FBN2: variants seen among roughly 807,000 people sequenced by gnomAD.
The protein encoded by FBN2 is fibrillin-2.
A neutral mutation model predicts 355.6 loss-of-function variants in FBN2; 105 were observed. The observed-to-expected ratio is 0.30, with a 90% CI of 0.25 to 0.35. FBN2 has a LOEUF of 0.35. Among genes scored for constraint, FBN2 ranks in the 10% least tolerant of loss-of-function variants. FBN2 has a pLI of 1.00. For missense variants in FBN2, 3,280 were observed against 3,758.7 expected (o/e 0.87, Z 3.33); for synonymous variants, 1,350 against 1,301.2 (o/e 1.04, Z -0.81).
chr5:128,394,020 G>A (rs1198092793), intron 9 of FBN2, among the ~76,000 whole-genome samples: 1 of 152,100 alleles, frequency 6.6e-6, no homozygotes, highest in African/African-American at 2.4e-5. Context: ...ACTACTAGTG[G>A]AACTGGGAGA....
intron 8 of FBN2, 109 bp downstream of exon 8, chr5:128,408,565 T>A: frequency 7.7e-7 from 1 of 1,303,838 alleles, no homozygotes; most frequent in Non-Finnish European, 1.1e-6. Context: ...AAACAACTCA[T>A]TCAGCCATTT....
chr5:128,289,945 C>T lies in FBN2; in HGVS notation c.6448G>A (p.Ala2150Thr). The change falls in exon 51 of 65, where the codon GCA becomes ACA. Residue 2150 changes from alanine to threonine, a missense_variant and splice_region_variant. Physicochemically the swap from Ala to Thr is moderately conservative, Grantham distance 58. This residue lies in a region of FBN2 where 2,284 missense variants were observed against 2,749.5 expected (regional missense o/e 0.83). Coordinates refer to ENST00000262464, the MANE Select transcript of FBN2 (RefSeq NM_001999.4). The part of the protein sequence containing the change: ...CELCPKDDEV[A>T]FQDLCPYGHG... ...CCATATGGACACAAATCCTGAAATG[C>T]AACTACAAAGAAAAATACAAATTCT... 1.9e-6 allele frequency: 3 copies of T among 1,589,198 alleles called. No homozygotes were observed. The highest frequency in any genetic ancestry group is 1.1e-5 in the South Asian group (1 of 90,484).
chr5:128,499,944 C>A (rs116024325), intron 5 of FBN2, among the ~76,000 whole-genome samples: 2,188 of 152,196 alleles, frequency 0.014, 32 homozygotes, highest in Non-Finnish European at 0.017. Context: ...TAAGTATGGT[C>A]ATGGGAAACA....
In FBN2 at chr5:128,305,605, G is replaced by A. The variant is rs1749847353; in HGVS notation, c.5580C>T (p.Leu1860=). 1.2e-6 allele frequency: 2 copies of A among 1,613,916 alleles called. No individual in the cohort carries two copies. The highest frequency in any genetic ancestry group is 1.7e-6 in the Non-Finnish European group (2 of 1,179,936). The part of the protein sequence containing the change: ...DIDECSNGDN[L]CQRNADCINS... ...TGATGCAGTCTGCATTCCGCTGGCA[G>A]AGATTATCACCATTGCTGCACTCAT... Residue 1860 remains leucine, a synonymous_variant, in exon 44 of 65, where the codon CTC becomes CTT. Coordinates refer to ENST00000262464, the MANE Select transcript of FBN2 (RefSeq NM_001999.4).
At chr5:128,531,252 A>G (rs1343701347) in intron 2 of FBN2, among the ~76,000 whole-genome samples, 2 of 152,156 alleles carry the variant, frequency 1.3e-5, no homozygotes, top group Non-Finnish European at 2.9e-5. Context: ...AATTAACAGC[A>G]TTTGTAGTGA....
chr5:128,531,127 A>G (rs879620748), intron 2 of FBN2, among the ~76,000 whole-genome samples: 1 of 152,096 alleles, frequency 6.6e-6, no homozygotes, highest in Non-Finnish European at 1.5e-5. Flanking sequence ...TCAATCAACA[A>G]GTGGATAAAG....
At chr5:128,507,741 T>C (rs1756003082) in intron 5 of FBN2, among the ~76,000 whole-genome samples, 1 of 152,092 alleles carries the variant, frequency 6.6e-6, no homozygotes, top group East Asian at 1.9e-4. Flanking sequence ...TAAAAAGGAA[T>C]GTATATTATC....
intron 5 of FBN2, among the ~76,000 whole-genome samples, chr5:128,491,132 G>A (rs145955395): frequency 3.2e-4 from 49 of 152,176 alleles, no homozygotes; most frequent in Admixed American, 1.6e-3. Flanking sequence ...GTAAGGAGAC[G>A]AGAAAATTAA....
Position 128,305,560 on chromosome 5 carries a change from G to T in FBN2, c.5625C>A (p.Arg1875=). ...GTTTGAAACCCGCGGCACATTCACA[G>T]CGGTAACTACCAGGACTATTGATGC... ...ADCINSPGSY[R]CECAAGFKLS... The change falls in exon 44 of 65, where the codon CGC becomes CGA. Residue 1875 remains arginine (R), a synonymous_variant. Coordinates refer to ENST00000262464, the MANE Select transcript of FBN2 (RefSeq NM_001999.4). The T allele has an allele frequency of 3.1e-6, 5 of 1,614,068 alleles. No homozygotes were observed. Among genetic ancestry groups the T allele is most frequent in the Non-Finnish European group, 4.2e-6 (5 of 1,179,948 alleles).
chr5:128,259,907 G>C (rs905303757), intron 64 of FBN2, 78 bp from the exon 65 acceptor site: 1 of 1,497,736 alleles, frequency 6.7e-7, no homozygotes, highest in African/African-American at 1.4e-5. Flanking sequence ...CAGCTGCAGG[G>C]GCTTTGGTCA....
chr5:128,524,679 A>G (rs1756518320), intron 4 of FBN2, among the ~76,000 whole-genome samples: 1 of 152,196 alleles, frequency 6.6e-6, no homozygotes, highest in African/African-American at 2.4e-5. Context: ...CTCTTTCTAT[A>G]TAAGACGACT....
chr5:128,370,205 G>A (rs1204714460), intron 15 of FBN2, among the ~76,000 whole-genome samples: 1 of 152,012 alleles, frequency 6.6e-6, no homozygotes, highest in Non-Finnish European at 1.5e-5. Flanking sequence ...GACAGTAAAT[G>A]GTGAACTATA....
chr5:128,392,096 G>A lies in FBN2; in HGVS notation c.1525C>T (p.Arg509Cys), dbSNP rs775037345. 1.4e-5 allele frequency: 22 copies of A among 1,612,672 alleles called. No individual in the cohort carries two copies. Among genetic ancestry groups the A allele is most frequent in the South Asian group, 5.5e-5 (5 of 91,042 alleles). The stretch of plus-strand genomic sequence containing the variant: ...TAGCTTGAGACAGTTGGTATACAGC[G>A]TCCATTTAAACAAAGGTTAGCATGA... ...KHHANLCLNGRCIPTVSSYRC... is the reference protein window; with the variant it reads ...KHHANLCLNGCCIPTVSSYRC... Residue 509 changes from arginine to cysteine, a missense_variant, in exon 11 of 65, where the codon CGC (arginine) becomes TGC (cysteine). Around this residue, in one of 6 missense-constraint regions of FBN2, gnomAD observed 2,284 missense variants for 2,749.5 expected, o/e 0.83. Coordinates refer to ENST00000262464, the MANE Select transcript of FBN2 (RefSeq NM_001999.4).
rs370793772 is a variant in FBN2 at position 128,344,542 on chromosome 5, C to T, written c.3218-32G>A. The stretch of plus-strand genomic sequence containing the variant: ...GCAGAATGAAGCCAGAATGTAGAGC[C>T]GGTTGATATAAACGATTAGGTCCAT... On this transcript the variant is annotated intron_variant, in intron 24 of 64. Coordinates refer to ENST00000262464, the MANE Select transcript of FBN2 (RefSeq NM_001999.4). The T allele has an allele frequency of 1.9e-4, 310 of 1,610,316 alleles. No homozygotes were observed. In the African/African-American group the frequency reaches 2.7e-3, roughly 14 times the overall value.
Position 128,291,601 on chromosome 5 carries a change from T to C in FBN2, c.6220A>G (p.Asn2074Asp), listed in dbSNP as rs141782292. 2 of 1,613,518 alleles carry C rather than the reference T, an allele frequency of 1.2e-6. No individual in the cohort carries two copies. Among genetic ancestry groups the C allele is most frequent in the Non-Finnish European group, 1.7e-6 (2 of 1,179,522 alleles). ...PNICLFGSCT[N>D]TPGGFQCLCP... ...AGGCACTGGAAGCCCCCTGGAGTATTAGTACAGGAACCAAAAAGACAAATG... is the reference window on the plus strand; with the variant it reads ...AGGCACTGGAAGCCCCCTGGAGTATCAGTACAGGAACCAAAAAGACAAATG... Residue 2074 changes from asparagine to aspartate, a missense_variant, in exon 49 of 65, where the codon AAT becomes GAT. This residue lies in a region of FBN2 where 2,284 missense variants were observed against 2,749.5 expected (regional missense o/e 0.83). Transcript: ENST00000262464.
intron 5 of FBN2, among the ~76,000 whole-genome samples, chr5:128,479,804 G>C (rs1193547427): frequency 6.6e-6 from 1 of 151,370 alleles, no homozygotes; most frequent in African/African-American, 2.4e-5. Flanking sequence ...GAATGTGCCT[G>C]TCATGCCAAT....
chr5:128,331,177 T>C (rs1750682511), intron 32 of FBN2, among the ~76,000 whole-genome samples: 2 of 152,174 alleles, frequency 1.3e-5, no homozygotes, highest in African/African-American at 2.4e-5. Flanking sequence ...AAAAACTAAA[T>C]CTTGCTATAT....
chr5:128,327,093 C>T (rs1750569660), intron 34 of FBN2, among the ~76,000 whole-genome samples: 2 of 152,136 alleles, frequency 1.3e-5, no homozygotes, highest in African/African-American at 4.8e-5. Flanking sequence ...ACATTTTCTA[C>T]TAATTCTACT....
chr5:128,428,217 T>TGA (rs1424636105), intron 7 of FBN2, among the ~76,000 whole-genome samples: 1 of 152,166 alleles, frequency 6.6e-6, no homozygotes, highest in African/African-American at 2.4e-5. Flanking sequence ...TGTTCCCTTA[T>TGA]TATCTTGTTA....
Sources: gnomAD v4.1 joint callset for allele counts (sites outside exome capture counted in the v4.1 genomes callset) on GRCh38, gnomAD v4.1.1 for gene constraint, gnomAD v4.1.1 regional missense constraint, MANE v1.5 for transcripts, NCBI Gene and HGNC (gene_info 2026-07-23, HGNC 2026-07-21) for gene names.